The following DCBLD1 variants were observed in gnomAD, a reference collection of about 807,000 sequenced individuals.
The protein encoded by DCBLD1 is discoidin, CUB and LCCL domain-containing protein 1.
In DCBLD1, 57 loss-of-function variants were observed where a neutral mutation model predicts 71.5. That is an observed-to-expected ratio of 0.80 (90% CI 0.64 to 0.99). DCBLD1 has a LOEUF of 0.99. DCBLD1 is among the 50% of genes least tolerant of loss of function. The pLI is 0.00. For missense variants in DCBLD1, 891 were observed against 923.5 expected, an observed-to-expected ratio of 0.96 and a Z score of 0.46; for synonymous variants, 380 against 363.8, an observed-to-expected ratio of 1.04 and a Z score of -0.51.
chr6:117,507,312 A>G (rs923120551), intron 2 of DCBLD1, among the ~76,000 whole-genome samples: 3 of 152,210 alleles, frequency 2.0e-5, no homozygotes, highest in Non-Finnish European at 4.4e-5. Flanking sequence ...AACACCCACA[A>G]CAACTTTCAC....
intron 2 of DCBLD1, among the ~76,000 whole-genome samples, chr6:117,506,759 G>C (rs967002892): frequency 1.3e-5 from 2 of 152,222 alleles, no homozygotes; most frequent in African/African-American, 4.8e-5. Flanking sequence ...GATCTGGCAT[G>C]GCTGCAGAGG....
At chr6:117,514,591 CAAA>C (rs59209418) in intron 2 of DCBLD1, among the ~76,000 whole-genome samples, 5 of 109,044 alleles carry the variant, frequency 4.6e-5, no homozygotes, top group African/African-American at 6.1e-5. Flanking sequence ...GACCCTGTCT[CAAA>C]AAAAAAAAAA....
intron 1 of DCBLD1, among the ~76,000 whole-genome samples, chr6:117,486,251 A>C (rs1413289598): frequency 2.0e-5 from 3 of 152,216 alleles, no homozygotes; most frequent in Non-Finnish European, 4.4e-5. Flanking sequence ...GCATTTAGCA[A>C]AGGTTTTAGT....
chr6:117,541,578 T>A (rs1583028394), intron 11 of DCBLD1, among the ~76,000 whole-genome samples: 2 of 152,220 alleles, frequency 1.3e-5, no homozygotes, highest in East Asian at 3.8e-4. Context: ...ATTTTGAACA[T>A]ATAAGTATAT....
At chr6:117,507,456 C>T (rs1377198029) in intron 2 of DCBLD1, among the ~76,000 whole-genome samples, 2 of 152,134 alleles carry the variant, frequency 1.3e-5, no homozygotes, top group African/African-American at 4.8e-5. Flanking sequence ...GAAGAATGTA[C>T]TTGTATGCCT....
At chr6:117,494,295 A>G (rs1306914663) in intron 1 of DCBLD1, among the ~76,000 whole-genome samples, 1 of 152,186 alleles carries the variant, frequency 6.6e-6, no homozygotes, top group Non-Finnish European at 1.5e-5. Flanking sequence ...ACTTGGTAAT[A>G]TTGGATTTTT....
rs1776929045 is a variant in DCBLD1 at position 117,482,710 on chromosome 6, C to A, written c.-72C>A. On this transcript the variant is annotated 5_prime_UTR_variant, in exon 1 of 15. Transcript: ENST00000338728. Reference sequence around the variant, plus strand: ...GCGCTCGTCCGCAGAGGAGGCGGCCCGGCCCGGGCAGCTGCGGCTCGGGAT... The same window carrying A: ...GCGCTCGTCCGCAGAGGAGGCGGCCAGGCCCGGGCAGCTGCGGCTCGGGAT... 23 of 1,100,742 alleles carry A rather than the reference C, an allele frequency of 2.1e-5. No individual in the cohort carries two copies. Among genetic ancestry groups the A allele is most frequent in the South Asian group, 4.5e-5 (1 of 22,414 alleles). 68.2% of individuals were successfully genotyped at this position (1,100,742 alleles called of 1,614,324 possible).
intron 2 of DCBLD1, among the ~76,000 whole-genome samples, chr6:117,512,449 T>C (rs1296590324): frequency 6.6e-6 from 1 of 152,202 alleles, no homozygotes; most frequent in Non-Finnish European, 1.5e-5. Flanking sequence ...GAAAATTCTG[T>C]AATGTTGTAC....
chr6:117,508,878 T>G (rs187635681), intron 2 of DCBLD1, among the ~76,000 whole-genome samples: 2 of 152,190 alleles, frequency 1.3e-5, no homozygotes, highest in African/African-American at 4.8e-5. Flanking sequence ...GTTGTTCTGA[T>G]GGAGACTTCT....
At chr6:117,553,849 T>A (rs1355011353), downstream of DCBLD1, among the ~76,000 whole-genome samples, 3 of 152,164 alleles carry the variant, frequency 2.0e-5, no homozygotes, top group African/African-American at 7.2e-5. Flanking sequence ...GGCCTAGTGG[T>A]AAAAAGCATG....
intron 4 of DCBLD1, among the ~76,000 whole-genome samples, 187 bp from the exon 5 acceptor site, chr6:117,525,175 T>C (rs1778509692): frequency 6.6e-6 from 1 of 152,138 alleles, no homozygotes. Context: ...TAATAATTAT[T>C]GTATAAAAGT....
At chr6:117,489,215 G>A (rs1023510567) in intron 1 of DCBLD1, among the ~76,000 whole-genome samples, 1 of 152,154 alleles carries the variant, frequency 6.6e-6, no homozygotes, top group Non-Finnish European at 1.5e-5. Context: ...AGAAGGTGAA[G>A]GAGAAGCATG....
intron 14 of DCBLD1, among the ~76,000 whole-genome samples, chr6:117,567,677 TTA>T (rs1189559214): frequency 1.3e-5 from 2 of 152,044 alleles, no homozygotes; most frequent in Non-Finnish European, 2.9e-5. Flanking sequence ...TTACTATAAA[TTA>T]TAGCCTTCAA....
Position 117,532,412 on chromosome 6 carries a change from T to C in DCBLD1, c.719+19T>C. The stretch of plus-strand genomic sequence containing the variant: ...CGAGGGAGTAAGTATTTTTTTTCAG[T>C]ATCGTTTGTTCTGAGTAGAAGGTAA... On this transcript the variant is annotated intron_variant, in intron 6 of 14. Coordinates refer to ENST00000338728, the MANE Select transcript of DCBLD1 (RefSeq NM_001366458.2). The C allele has an allele frequency of 6.3e-7, 1 of 1,590,252 alleles. No homozygotes were observed. The highest frequency in any genetic ancestry group is 1.3e-5 in the African/African-American group (1 of 74,112).
intron 9 of DCBLD1, 186 bp from the exon 10 acceptor site, chr6:117,540,482 C>A (rs999458093): frequency 2.6e-5 from 16 of 615,608 alleles, no homozygotes; most frequent in African/African-American, 2.6e-4. Flanking sequence ...TTGAGCAGCA[C>A]CACCTTAGTT....
chr6:117,548,564 G>A lies in DCBLD1; in HGVS notation c.*125G>A, dbSNP rs1236505043. 6.8e-7 allele frequency: 1 copy of A among 1,471,966 alleles called. No individual in the cohort carries two copies. The highest frequency in any genetic ancestry group is 2.4e-5 in the Admixed American group (1 of 41,650). 91.2% of individuals were successfully genotyped at this position (1,471,966 alleles called of 1,614,324 possible). A position where few individuals can be genotyped will look rare whatever the true frequency, so the allele number is the denominator to read the frequency against. On this transcript the variant is annotated 3_prime_UTR_variant, in exon 15 of 15. Transcript: ENST00000338728. ...TGTGTGTGTACACTTGCATGTGTGT[G>A]TGTGATCCAGTAGGATCCTAGAGAC...
chr6:117,542,405 T>C (rs1285676674), intron 11 of DCBLD1, among the ~76,000 whole-genome samples: 1 of 152,176 alleles, frequency 6.6e-6, no homozygotes, highest in Non-Finnish European at 1.5e-5. Context: ...ATTTTTCCAC[T>C]CTTAAGCATC....
intron 2 of DCBLD1, among the ~76,000 whole-genome samples, chr6:117,506,274 G>A (rs901839534): frequency 3.3e-5 from 5 of 152,014 alleles, no homozygotes; most frequent in African/African-American, 1.2e-4. Context: ...ACAATTAGGG[G>A]TGAAAGAGAG....
intron 14 of DCBLD1, chr6:117,562,252 T>C: frequency 4.8e-6 from 1 of 207,502 alleles, no homozygotes. Flanking sequence ...TGTCTTTATC[T>C]CATCTTGCCC....
Sources: gnomAD v4.1 joint callset for allele counts (sites outside exome capture counted in the v4.1 genomes callset) on GRCh38, gnomAD v4.1.1 for gene constraint, MANE v1.5 for transcripts, NCBI Gene and HGNC (gene_info 2026-07-23, HGNC 2026-07-21) for gene names.